The following LTBP4 variants were observed in gnomAD, a reference collection of about 807,000 sequenced individuals.
LTBP4 encodes latent transforming growth factor beta binding protein 4.
Under a neutral mutation model 180.2 loss-of-function variants are expected in LTBP4, and 93 were observed. The observed-to-expected ratio is 0.52, with a 90% confidence interval of 0.44 to 0.61. The LOEUF (loss-of-function observed/expected upper bound fraction) is 0.61. Among genes scored for constraint, LTBP4 ranks in the 20% least tolerant of loss-of-function variants. The pLI is 0.00. For missense variants in LTBP4, 2,116 were observed against 2,256.5 expected (o/e 0.94, Z 1.26); for synonymous variants, 947 against 934.5 (o/e 1.01, Z -0.24).
chr19:40,618,066 T>C (rs113751522), intron 21 of LTBP4, among the ~76,000 whole-genome samples: 14 of 146,282 alleles, frequency 9.6e-5, no homozygotes, highest in African/African-American at 1.7e-4. Context: ...TCTTCTCTCT[T>C]TTTTTTTTTT....
Position 40,622,275 on chromosome 19 carries a change from T to C in LTBP4, c.3218-126T>C. On this transcript the variant is annotated intron_variant, in intron 22 of 29. Coordinates refer to ENST00000396819, the MANE Select transcript of LTBP4 (RefSeq NM_001042545.2). The surrounding 1 kb of genome is among the most constrained non-coding windows in gnomAD (Gnocchi z 5.1). Reference sequence around the variant, plus strand: ...AGAGGAGCGTGAGAGGTGTGGAGTCTGGTTCTGCCACTGATGGCTGCCACC... The same window carrying C: ...AGAGGAGCGTGAGAGGTGTGGAGTCCGGTTCTGCCACTGATGGCTGCCACC... 5 of 1,042,518 alleles carry C rather than the reference T, an allele frequency of 4.8e-6. No individual in the cohort carries two copies. The highest frequency in any genetic ancestry group is 6.8e-6 in the Non-Finnish European group (5 of 735,094). 64.6% of individuals were successfully genotyped at this position (1,042,518 alleles called of 1,614,324 possible). A position where few individuals can be genotyped will look rare whatever the true frequency, so the allele number is the denominator to read the frequency against.
In LTBP4 at chr19:40,625,305, TATATATATA is replaced by T. The variant is rs1568414605; in HGVS notation, c.3833-551_3833-543del. On this transcript the variant is annotated intron_variant, in intron 26 of 29. Coordinates refer to ENST00000396819, the MANE Select transcript of LTBP4 (RefSeq NM_001042545.2). Reference sequence around the variant, plus strand: ...ATATATATATATATATATATATATATATATATATATATTTTTTTTTTTAAAGATGGGTTT... The same window carrying T: ...ATATATATATATATATATATATATATTATTTTTTTTTTTAAAGATGGGTTT... Among the ~76,000 whole-genome samples, 247 of 28,904 alleles carry T rather than the reference TATATATATA, an allele frequency of 8.5e-3. 47 individuals carry two copies. The highest frequency in any genetic ancestry group is 0.011 in the Non-Finnish European group (206 of 18,370). The allele number at this position is 28,904 out of a possible 152,430, so 19.0% of individuals were successfully genotyped here. A position where few individuals can be genotyped will look rare whatever the true frequency, so the allele number is the denominator to read the frequency against.
chr19:40,616,890 T>C lies in LTBP4; in HGVS notation c.2814T>C (p.Asp938=), dbSNP rs1309115500. 4.3e-6 allele frequency: 7 copies of C among 1,613,700 alleles called. No individual in the cohort carries two copies. Among genetic ancestry groups the C allele is most frequent in the Non-Finnish European group, 5.9e-6 (7 of 1,179,850 alleles). The part of the protein sequence containing the change: ...YHAGPEGTCD[D]VDECQEYGPE... ...TTTCATCTCCTCCACACTCTGCAGA[T>C]GTGGATGAGTGCCAAGAATATGGTC... Residue 938 remains aspartate (D), a splice_region_variant and synonymous_variant, in exon 20 of 30, where the codon GAT becomes GAC. Coordinates refer to ENST00000396819, the MANE Select transcript of LTBP4 (RefSeq NM_001042545.2).
At chr19:40,627,942 T>G in intron 29 of LTBP4, 85 bp downstream of exon 29, 1 of 1,480,338 alleles carries the variant, frequency 6.8e-7, no homozygotes. Flanking sequence ...GGGGTGCTGG[T>G]CAGGGACGGG....
intron 1 of LTBP4, among the ~76,000 whole-genome samples, chr19:40,595,698 G>T (rs1351667211): frequency 2.6e-5 from 4 of 151,836 alleles, no homozygotes; most frequent in Non-Finnish European, 5.9e-5. Flanking sequence ...GGAAGGGATC[G>T]GTACTCTCTT....
In LTBP4 at chr19:40,616,917, C is replaced by T. The variant is rs1222677285; in HGVS notation, c.2841C>T (p.Pro947=). The T allele has an allele frequency of 7.4e-6, 12 of 1,613,834 alleles. No individual in the cohort carries two copies. The highest frequency in any genetic ancestry group is 1.3e-5 in the African/African-American group (1 of 74,910). ...DDVDECQEYG[P]EICGAQRCEN... is the part of the protein sequence containing the mutation. The stretch of plus-strand genomic sequence containing the variant: ...TGGATGAGTGCCAAGAATATGGTCC[C>T]GAGATTTGTGGAGCCCAGCGTTGTG... The change falls in exon 20 of 30, where the codon CCC becomes CCT. Residue 947 remains proline, a synonymous_variant. Coordinates refer to ENST00000396819, the MANE Select transcript of LTBP4 (RefSeq NM_001042545.2).
upstream of LTBP4, chr19:40,599,612 C>A (rs1408209795): frequency 1.9e-6 from 3 of 1,550,484 alleles, no homozygotes; most frequent in Non-Finnish European, 2.6e-6. Context: ...CTAGCTTTGC[C>A]CCCGTTTCCG....
Position 40,622,881 on chromosome 19 carries a change from T to C in LTBP4, c.3485-69T>C. ...GGGCCAGAGGGACTTTTGTGACAAG[T>C]GGGCACGAGCAGGTCAGGGCTGGGG... On this transcript the variant is annotated intron_variant, in intron 23 of 29. Transcript: ENST00000396819. The surrounding 1 kb of genome is among the most constrained non-coding windows in gnomAD (Gnocchi z 5.1). 4.0e-6 allele frequency: 6 copies of C among 1,515,076 alleles called. No homozygotes were observed. The highest frequency in any genetic ancestry group is 3.6e-6 in the Non-Finnish European group (4 of 1,107,702). 93.9% of individuals were successfully genotyped at this position (1,515,076 alleles called of 1,614,324 possible).
At position 40,622,427 on chromosome 19, in the gene LTBP4, G is replaced by A; in HGVS notation, c.3244G>A (p.Ala1082Thr). 1 of 1,570,856 alleles carries A rather than the reference G, an allele frequency of 6.4e-7. No homozygotes were observed. The highest frequency in any genetic ancestry group is 8.7e-7 in the Non-Finnish European group (1 of 1,154,490). The change falls in exon 23 of 30, where the codon GCA becomes ACA. Residue 1082 changes from alanine (A) to threonine (T), a missense_variant. Transcript: ENST00000396819. The surrounding 1 kb of genome is among the most constrained non-coding windows in gnomAD (Gnocchi z 5.1). ...CACGTTCCCAGGCTCGCAGCCCCAGGCACCTGCTAGCCCCGTTCTGCCCGC... is the reference window on the plus strand; with the variant it reads ...CACGTTCCCAGGCTCGCAGCCCCAGACACCTGCTAGCCCCGTTCTGCCCGC... ...AGTFPGSQPQ[A>T]PASPVLPARP...
chr19:40,627,341 G>T lies in LTBP4; in HGVS notation c.4352G>T (p.Gly1451Val). Residue 1451 changes from glycine to valine, a missense_variant, in exon 28 of 30, where the codon GGT becomes GTT. Physicochemically the swap from Gly to Val is moderately radical, Grantham distance 109. This residue lies in a region of LTBP4 where 488 missense variants were observed against 458.8 expected (regional missense o/e 1.06). Transcript: ENST00000396819. ...SFPEPEEPPEGGSYAGSLAEP... is the reference protein window; with the variant it reads ...SFPEPEEPPEVGSYAGSLAEP... The stretch of plus-strand genomic sequence containing the variant: ...CCAGAGCCCGAGGAGCCTCCTGAAG[G>T]TGGAAGCTATGCTGGTGAGCACTGC... 2 of 1,512,374 alleles carry T rather than the reference G, an allele frequency of 1.3e-6. No homozygotes were observed. Among genetic ancestry groups the T allele is most frequent in the Non-Finnish European group, 1.8e-6 (2 of 1,132,524 alleles). 93.7% of individuals were successfully genotyped at this position (1,512,374 alleles called of 1,614,324 possible). A position where few individuals can be genotyped will look rare whatever the true frequency, so the allele number is the denominator to read the frequency against.
Position 40,605,035 on chromosome 19 carries a change from T to C in LTBP4, c.251T>C (p.Phe84Ser). Reference sequence around the variant, plus strand: ...CTGAGTGTCCTCGTTCTCCTCCCAGTCCTGTGTCCCTTGATCTGTCACAAT... The same window carrying C: ...CTGAGTGTCCTCGTTCTCCTCCCAGCCCTGTGTCCCTTGATCTGTCACAAT... ...AAPGGPGFRA[F>S]LCPLICHNGG... The change falls in exon 2 of 30, where the codon TTC becomes TCC. Residue 84 changes from phenylalanine to serine, a missense_variant and splice_region_variant. Physicochemically the swap from Phe to Ser is radical, Grantham distance 155. This residue lies in a region of LTBP4 where 469 missense variants were observed against 532.5 expected (regional missense o/e 0.88). Transcript: ENST00000396819. This position sits in a 1 kb window ranked among gnomAD's most constrained non-coding sequence, Gnocchi z 5.5. 1.2e-6 allele frequency: 2 copies of C among 1,610,912 alleles called. No individual in the cohort carries two copies. The highest frequency in any genetic ancestry group is 1.7e-6 in the Non-Finnish European group (2 of 1,177,918).
chr19:40,627,344 GA>G lies in LTBP4; in HGVS notation c.4357del (p.Ser1453AlafsTer48). ...GAGCCCGAGGAGCCTCCTGAAGGTG[GA>G]AGCTATGCTGGTGAGCACTGCCAGC... ...FPEPEEPPEG[G>X]SYAGSLAEPY... On this transcript the variant is annotated frameshift_variant, in exon 28 of 30. Coordinates refer to ENST00000396819, the MANE Select transcript of LTBP4 (RefSeq NM_001042545.2). LOFTEE classifies it high-confidence loss of function. 1 of 1,509,474 alleles carries G rather than the reference GA, an allele frequency of 6.6e-7. No homozygotes were observed. Among genetic ancestry groups the G allele is most frequent in the Non-Finnish European group, 8.8e-7 (1 of 1,131,316 alleles). 93.5% of individuals were successfully genotyped at this position (1,509,474 alleles called of 1,614,324 possible).
At chr19:40,599,570 C>T (rs751778317), upstream of LTBP4, 31 of 1,599,178 alleles carry the variant, frequency 1.9e-5, no homozygotes, top group Non-Finnish European at 2.5e-5. Context: ...AGTGGGCAGT[C>T]CCTCCCCTAC....
At chr19:40,625,423 G>C (rs1161951534) in intron 26 of LTBP4, among the ~76,000 whole-genome samples, 1 of 149,254 alleles carries the variant, frequency 6.7e-6, no homozygotes, top group African/African-American at 2.5e-5. Flanking sequence ...GGGATTACAG[G>C]CTCCAACACA....
rs2081576345 is a variant in LTBP4 at position 40,620,194 on chromosome 19, T to C, written c.3217+701T>C. Among the ~76,000 whole-genome samples the C allele has an allele frequency of 2.6e-5, 4 of 151,662 alleles. No homozygotes were observed. In the South Asian group the frequency reaches 6.2e-4, roughly 24 times the overall value. ...CTGACTTATCACAGTAAGAGAGCAC[T>C]GCGGTACCGTGGAAGGGGTTTCGGC... On this transcript the variant is annotated intron_variant, in intron 22 of 29. Coordinates refer to ENST00000396819, the MANE Select transcript of LTBP4 (RefSeq NM_001042545.2).
intron 29 of LTBP4, 23 bp downstream of exon 29, chr19:40,627,880 C>T: frequency 1.3e-6 from 2 of 1,549,414 alleles, no homozygotes; most frequent in Non-Finnish European, 1.7e-6. Context: ...CCGGGGCCAG[C>T]ATGCGCAGGG....
In LTBP4 at chr19:40,605,109, G is replaced by C; in HGVS notation, c.325G>C (p.Ala109Pro). 6.2e-7 allele frequency: 1 copy of C among 1,613,806 alleles called. No individual in the cohort carries two copies. Among genetic ancestry groups the C allele is most frequent in the Non-Finnish European group, 8.5e-7 (1 of 1,179,838 alleles). The change falls in exon 2 of 30, where the codon GCT becomes CCT. Residue 109 changes from alanine to proline, a missense_variant. Physicochemically the swap from Ala to Pro is conservative, Grantham distance 27. Around this residue, in one of 5 missense-constraint regions of LTBP4, gnomAD observed 469 missense variants for 532.5 expected, o/e 0.88. Coordinates refer to ENST00000396819, the MANE Select transcript of LTBP4 (RefSeq NM_001042545.2). This position sits in a 1 kb window ranked among gnomAD's most constrained non-coding sequence, Gnocchi z 5.5. ...PDRCLCPPDFAGKFCQLHSSG... is the reference protein window; with the variant it reads ...PDRCLCPPDFPGKFCQLHSSG... Reference sequence around the variant, plus strand: ...CCGCTGCCTCTGTCCCCCGGACTTCGCTGGCAAGTTCTGCCAGTTGCACTC... The same window carrying C: ...CCGCTGCCTCTGTCCCCCGGACTTCCCTGGCAAGTTCTGCCAGTTGCACTC...
At chr19:40,601,133 C>T (rs552226721), upstream of LTBP4, among the ~76,000 whole-genome samples, 138 of 152,268 alleles carry the variant, frequency 9.1e-4, no homozygotes, top group African/African-American at 3.1e-3. Context: ...CCTACAGGCC[C>T]GGTCCACTTG....
chr19:40,617,081 G>T lies in LTBP4; in HGVS notation c.2945-19G>T, dbSNP rs776615923. Reference sequence around the variant, plus strand: ...ATGGTAGAAGGTCCAGAAATGGCCTGACTGTCTGGTGGTTGCAGATGTGGA... The same window carrying T: ...ATGGTAGAAGGTCCAGAAATGGCCTTACTGTCTGGTGGTTGCAGATGTGGA... On this transcript the variant is annotated intron_variant, in intron 20 of 29. Coordinates refer to ENST00000396819, the MANE Select transcript of LTBP4 (RefSeq NM_001042545.2). 1 of 1,613,690 alleles carries T rather than the reference G, an allele frequency of 6.2e-7. No homozygotes were observed. Among genetic ancestry groups the T allele is most frequent in the Admixed American group, 1.7e-5 (1 of 59,846 alleles).
Sources: allele counts gnomAD v4.1 joint callset (sites outside exome capture counted in the v4.1 genomes callset), GRCh38; gene constraint gnomAD v4.1.1; regional missense constraint gnomAD v4.1.1; non-coding constraint Gnocchi (gnomAD v3.1); transcripts MANE v1.5; gene names NCBI Gene and HGNC (gene_info 2026-07-23, HGNC 2026-07-21).